CNTN4: variants seen among roughly 807,000 people sequenced by gnomAD.
CNTN4 encodes contactin 4.
A neutral mutation model predicts 122.5 loss-of-function variants in CNTN4; 77 were observed. That is an observed-to-expected ratio of 0.63 (90% CI 0.52 to 0.76). The LOEUF is 0.76. CNTN4 is among the 30% of genes least tolerant of loss of function. CNTN4 has a pLI of 0.00. For synonymous variants in CNTN4, 512 were observed against 447.0 expected (o/e 1.15, Z -1.83); for missense variants, 1,256 against 1,259.1 (o/e 1.00, Z 0.04).
chr3:2,310,451 A>G (rs78854417), intron 2 of CNTN4, among the ~76,000 whole-genome samples: 2,429 of 152,250 alleles, frequency 0.016, 81 homozygotes, highest in African/African-American at 0.055. Context: ...GTTGTTTGCT[A>G]TCCCTAAAAG....
intron 4 of CNTN4, among the ~76,000 whole-genome samples, chr3:2,588,785 TAA>T (rs11334608): frequency 0.56 from 66,063 of 118,740 alleles, 17,748 homozygotes; most frequent in East Asian, 0.62. Context: ...CTTCCAGCTC[TAA>T]AAAAAAAAAA....
At chr3:3,048,328 A>T (rs1304556805) in intron 23 of CNTN4, among the ~76,000 whole-genome samples, 1 of 152,204 alleles carries the variant, frequency 6.6e-6, no homozygotes, top group East Asian at 1.9e-4. Context: ...TATATTAGGT[A>T]TTATGAGTAA....
intron 6 of CNTN4, among the ~76,000 whole-genome samples, chr3:2,765,900 G>C (rs2090836460): frequency 6.6e-6 from 1 of 152,188 alleles, no homozygotes; most frequent in South Asian, 2.1e-4. Context: ...AACTAACATT[G>C]TTGGTGCTGG....
intron 3 of CNTN4, among the ~76,000 whole-genome samples, chr3:2,526,163 C>T (rs2077390711): frequency 1.3e-5 from 2 of 152,152 alleles, no homozygotes; most frequent in African/African-American, 4.8e-5. Flanking sequence ...TATGACTCAG[C>T]TCCCAGGCCC....
intron 4 of CNTN4, among the ~76,000 whole-genome samples, chr3:2,575,378 G>A (rs970174673): frequency 2.0e-5 from 3 of 151,998 alleles, no homozygotes; most frequent in South Asian, 2.1e-4. Flanking sequence ...GGGCATGGTG[G>A]TGCACGTCTA....
chr3:3,038,889 G>T, intron 18 of CNTN4, 44 bp from the exon 19 acceptor site: 1 of 1,570,154 alleles, frequency 6.4e-7, no homozygotes. Context: ...GCCCTCATTC[G>T]CCTTTGCCGC....
intron 3 of CNTN4, among the ~76,000 whole-genome samples, chr3:2,467,571 C>T (rs1468104901): frequency 6.6e-6 from 1 of 152,010 alleles, no homozygotes; most frequent in Non-Finnish European, 1.5e-5. Context: ...CCACTGTTCC[C>T]TCAAATGCGA....
chr3:2,101,919 T>C (rs2031997556), intron 2 of CNTN4, among the ~76,000 whole-genome samples: 1 of 152,196 alleles, frequency 6.6e-6, no homozygotes, highest in African/African-American at 2.4e-5. Context: ...TCTCTCCTTA[T>C]CTCTGCTCTG....
intron 4 of CNTN4, among the ~76,000 whole-genome samples, chr3:2,712,019 G>A (rs1480290273): frequency 2.0e-5 from 3 of 152,038 alleles, no homozygotes; most frequent in South Asian, 2.1e-4. Context: ...AGGGCTGCTG[G>A]GTTCATCTAC....
At chr3:2,937,722 C>T (rs1487629740) in intron 13 of CNTN4, among the ~76,000 whole-genome samples, 1 of 152,142 alleles carries the variant, frequency 6.6e-6, no homozygotes, top group Non-Finnish European at 1.5e-5. Flanking sequence ...CAAACAGAAT[C>T]CACAGCAGTG....
chr3:2,140,137 A>C (rs780339188), intron 2 of CNTN4, among the ~76,000 whole-genome samples: 41 of 152,304 alleles, frequency 2.7e-4, no homozygotes, highest in Non-Finnish European at 5.4e-4. Flanking sequence ...CATGCTTGTG[A>C]GGACTCCCCA....
intron 14 of CNTN4, among the ~76,000 whole-genome samples, chr3:2,996,714 C>G (rs1252891580): frequency 6.6e-6 from 1 of 152,160 alleles, no homozygotes; most frequent in Non-Finnish European, 1.5e-5. Flanking sequence ...TTGAAGCTAT[C>G]CATCTGGCTT....
In CNTN4 at chr3:3,026,284, A is replaced by T. The variant is rs1559803675; in HGVS notation, c.1662+7A>T. ...CTTTGAAAGAGTTGGAGGGGTAAGTATTAATAGCAAAAACTGACTCAAACT... is the reference window on the plus strand; with the variant it reads ...CTTTGAAAGAGTTGGAGGGGTAAGTTTTAATAGCAAAAACTGACTCAAACT... On this transcript the variant is annotated splice_region_variant and intron_variant, in intron 15 of 24. Coordinates refer to ENST00000418658, the MANE Select transcript of CNTN4 (RefSeq NM_175607.3). 1.2e-6 allele frequency: 2 copies of T among 1,612,064 alleles called. No homozygotes were observed. Among genetic ancestry groups the T allele is most frequent in the Non-Finnish European group, 1.7e-6 (2 of 1,178,288 alleles).
intron 11 of CNTN4, among the ~76,000 whole-genome samples, chr3:2,901,299 A>G (rs186391557): frequency 1.2e-3 from 182 of 152,330 alleles, no homozygotes; most frequent in African/African-American, 4.2e-3. Flanking sequence ...TTTCCTGCCG[A>G]ACCTCAAATA....
At chr3:2,318,675 G>T (rs1381776396) in intron 2 of CNTN4, among the ~76,000 whole-genome samples, 1 of 151,964 alleles carries the variant, frequency 6.6e-6, no homozygotes, top group Admixed American at 6.6e-5. Flanking sequence ...TTCAGACAGG[G>T]TCTCCCACTG....
intron 2 of CNTN4, among the ~76,000 whole-genome samples, chr3:2,279,202 A>C (rs1040336783): frequency 1.3e-5 from 2 of 149,802 alleles, no homozygotes; most frequent in Admixed American, 1.3e-4. Flanking sequence ...AGGATTAATA[A>C]ATTTGATAAT....
At chr3:3,013,907 T>C (rs1484957157) in intron 14 of CNTN4, among the ~76,000 whole-genome samples, 3 of 152,282 alleles carry the variant, frequency 2.0e-5, no homozygotes, top group South Asian at 4.1e-4. Flanking sequence ...TGTGTACCTA[T>C]TTGTTATAAC....
intron 2 of CNTN4, among the ~76,000 whole-genome samples, chr3:2,199,420 C>G (rs2037995457): frequency 6.6e-6 from 1 of 151,878 alleles, no homozygotes; most frequent in Non-Finnish European, 1.5e-5. Flanking sequence ...TCCCCCTGTC[C>G]CTACCATATT....
chr3:3,012,201 A>G (rs772428089), intron 14 of CNTN4, among the ~76,000 whole-genome samples: 1 of 152,044 alleles, frequency 6.6e-6, no homozygotes, highest in Non-Finnish European at 1.5e-5. Context: ...TTTCCTTTGG[A>G]TCTGCATGGT....
Sources: gnomAD v4.1 joint callset for allele counts (sites outside exome capture counted in the v4.1 genomes callset) on GRCh38, gnomAD v4.1.1 for gene constraint, MANE v1.5 for transcripts, NCBI Gene and HGNC (gene_info 2026-07-23, HGNC 2026-07-21) for gene names.